SDK1: variants seen among roughly 807,000 people sequenced by gnomAD.
The protein encoded by SDK1 is sidekick cell adhesion molecule 1, also known as protein sidekick-1.
SDK1 carries 157 observed loss-of-function variants against 245.5 expected under a neutral mutation model. That is an observed-to-expected ratio of 0.64 (90% CI 0.56 to 0.73). The LOEUF (loss-of-function observed/expected upper bound fraction) is 0.73. SDK1 is among the 30% of genes least tolerant of loss of function. The probability of loss-of-function intolerance (pLI) is 0.00; values close to 1 mark genes in which losing one functional copy is unlikely to be tolerated. For synonymous variants in SDK1, 1,647 were observed against 1,278.5 expected, an observed-to-expected ratio of 1.29 and a Z score of -6.15; for missense variants, 3,583 against 3,002.3, an observed-to-expected ratio of 1.19 and a Z score of -4.52.
At chr7:4,121,791 C>T (rs1328059862) in intron 25 of SDK1, among the ~76,000 whole-genome samples, 1 of 152,068 alleles carries the variant, frequency 6.6e-6, no homozygotes, top group Non-Finnish European at 1.5e-5. Flanking sequence ...TTTGTTTTGT[C>T]AGTTATTACA....
intron 1 of SDK1, among the ~76,000 whole-genome samples, chr7:3,439,752 T>C (rs1490269406): frequency 2.6e-5 from 4 of 152,240 alleles, no homozygotes; most frequent in African/African-American, 4.8e-5. Flanking sequence ...TTTAGCTTTA[T>C]GATCATGATT....
intron 44 of SDK1, among the ~76,000 whole-genome samples, chr7:4,257,067 C>T (rs933256308): frequency 6.6e-6 from 1 of 152,198 alleles, no homozygotes; most frequent in Non-Finnish European, 1.5e-5. Flanking sequence ...ATGGCTGCTT[C>T]TGAATGATAT....
intron 4 of SDK1, among the ~76,000 whole-genome samples, chr7:3,696,233 C>G (rs1321009599): frequency 6.6e-6 from 1 of 152,132 alleles, no homozygotes; most frequent in Non-Finnish European, 1.5e-5. Flanking sequence ...CCACCACTCA[C>G]TGTGGTCCTT....
chr7:3,816,488 A>T (rs1214046693), intron 4 of SDK1, among the ~76,000 whole-genome samples: 1 of 150,696 alleles, frequency 6.6e-6, no homozygotes, highest in Non-Finnish European at 1.5e-5. Context: ...ATAAACTAGA[A>T]AATCTATAAG....
At chr7:4,002,778 T>C (rs1464770214) in intron 14 of SDK1, among the ~76,000 whole-genome samples, 1 of 152,160 alleles carries the variant, frequency 6.6e-6, no homozygotes, top group Non-Finnish European at 1.5e-5. Context: ...TTCTCAGGGG[T>C]GGATCCAGGT....
In SDK1 at chr7:4,059,464, A is replaced by G. The variant is rs747173113; in HGVS notation, c.2911+7634A>G. 1.8e-4 allele frequency among the ~76,000 whole-genome samples: 27 copies of G among 152,234 alleles called. 1 individual carries two copies. The highest frequency in any genetic ancestry group is 1.8e-4 in the Non-Finnish European group (12 of 68,044). On this transcript the variant is annotated intron_variant, in intron 19 of 44. Coordinates refer to ENST00000404826, the MANE Select transcript of SDK1 (RefSeq NM_152744.4). ...ATATAAAGCAAATATTATTAGATCT[A>G]CAGGGAGAGACAGCAATACAATAAT... is the stretch of plus-strand genomic sequence containing the variant.
At chr7:3,887,170 G>A (rs1781357050) in intron 5 of SDK1, among the ~76,000 whole-genome samples, 1 of 152,084 alleles carries the variant, frequency 6.6e-6, no homozygotes, top group Non-Finnish European at 1.5e-5. Flanking sequence ...GGGTACTCAG[G>A]GGTCCAGGCT....
intron 5 of SDK1, among the ~76,000 whole-genome samples, chr7:3,938,200 CT>C (rs981772971): frequency 6.6e-6 from 1 of 152,152 alleles, no homozygotes; most frequent in African/African-American, 2.4e-5. Flanking sequence ...TTCTCAGCAA[CT>C]TTAGAATTCT....
At chr7:4,142,712 C>T (rs1448649278) in intron 28 of SDK1, among the ~76,000 whole-genome samples, 1 of 152,248 alleles carries the variant, frequency 6.6e-6, no homozygotes, top group Non-Finnish European at 1.5e-5. Context: ...ATCCACCCTC[C>T]TTGGCCTCCC....
intron 4 of SDK1, among the ~76,000 whole-genome samples, chr7:3,688,117 T>C (rs1176136860): frequency 1.3e-5 from 2 of 152,370 alleles, no homozygotes; most frequent in Non-Finnish European, 2.9e-5. Context: ...AGTGTAGTAA[T>C]GATACAGCTA....
intron 13 of SDK1, among the ~76,000 whole-genome samples, chr7:3,981,788 A>T (rs1368476043): frequency 6.6e-6 from 1 of 152,226 alleles, no homozygotes; most frequent in Non-Finnish European, 1.5e-5. Context: ...ATTGGAAGCT[A>T]GCAGGGGTTG....
At chr7:3,788,885 C>A (rs6462311) in intron 4 of SDK1, among the ~76,000 whole-genome samples, 3,865 of 152,218 alleles carry the variant, frequency 0.025, 162 homozygotes, top group African/African-American at 0.09. Context: ...GCGTGAGTCT[C>A]CTGCTCAGTC....
At position 4,194,527 on chromosome 7, in the gene SDK1, G is replaced by A. The variant is rs970632881; in HGVS notation, c.5099-11352G>A. ...TAAGTATTAACTTACAGGATCATAA[G>A]GTCCCACAATAGGCTATCTGCAAGC... On this transcript the variant is annotated intron_variant, in intron 35 of 44. Transcript: ENST00000404826. Among the ~76,000 whole-genome samples the A allele has an allele frequency of 2.6e-5, 4 of 151,914 alleles. No homozygotes were observed. In the South Asian group the frequency reaches 8.3e-4, roughly 31 times the overall value.
intron 4 of SDK1, among the ~76,000 whole-genome samples, chr7:3,701,651 A>C (rs1784742382): frequency 6.6e-6 from 1 of 152,190 alleles, no homozygotes; most frequent in Non-Finnish European, 1.5e-5. Context: ...GGTTAAGCAA[A>C]GGAGCTGGAA....
chr7:4,238,657 G>A (rs962818872), intron 42 of SDK1, among the ~76,000 whole-genome samples: 3 of 149,620 alleles, frequency 2.0e-5, no homozygotes, highest in Non-Finnish European at 4.4e-5. Context: ...CAAGCAATTC[G>A]CCTGCCTCAG....
At chr7:3,993,267 C>T (rs1177064383) in intron 14 of SDK1, among the ~76,000 whole-genome samples, 1 of 152,178 alleles carries the variant, frequency 6.6e-6, no homozygotes, top group African/African-American at 2.4e-5. Flanking sequence ...GCGTGTTTTC[C>T]TTGGGCTGGA....
At chr7:3,526,235 A>G (rs1217382113) in intron 1 of SDK1, among the ~76,000 whole-genome samples, 1 of 151,454 alleles carries the variant, frequency 6.6e-6, no homozygotes, top group East Asian at 1.9e-4. Context: ...TCCGTCGCAA[A>G]AAAAGAAAAA....
intron 1 of SDK1, among the ~76,000 whole-genome samples, chr7:3,398,763 C>T (rs1196936738): frequency 7.2e-6 from 1 of 138,964 alleles, no homozygotes; most frequent in Non-Finnish European, 1.6e-5. Context: ...ACTGAGCCCC[C>T]AGTAGTTTTT....
intron 26 of SDK1, among the ~76,000 whole-genome samples, chr7:4,128,842 G>A (rs1784574220): frequency 7.7e-6 from 1 of 130,606 alleles, no homozygotes; most frequent in Non-Finnish European, 1.6e-5. Flanking sequence ...AGCTTGGAGT[G>A]GGGTCCCCTG....
Sources: allele counts gnomAD v4.1 joint callset (sites outside exome capture counted in the v4.1 genomes callset), GRCh38; gene constraint gnomAD v4.1.1; transcripts MANE v1.5; gene names NCBI Gene and HGNC (gene_info 2026-07-23, HGNC 2026-07-21).